Variants in PDE1A observed in about 807,000 individuals in gnomAD.
PDE1A encodes phosphodiesterase 1A.
In PDE1A, 35 loss-of-function variants were observed where a neutral mutation model predicts 61.7. That is an observed-to-expected ratio of 0.57 (90% CI 0.43 to 0.75). The LOEUF is 0.75. PDE1A is among the 30% of genes least tolerant of loss of function. The pLI is 0.00. For missense variants in PDE1A, 597 were observed against 630.6 expected (o/e 0.95, Z 0.57); for synonymous variants, 232 against 213.2 (o/e 1.09, Z -0.77).
the PDE1A span, among the ~76,000 whole-genome samples, chr2:182,642,666 T>C: frequency 1.3e-5 from 2 of 152,144 alleles, no homozygotes; most frequent in African/African-American, 4.8e-5. Flanking sequence ...GGGGAAGAGA[T>C]GCTGAAGTTT....
intron 1 of PDE1A, among the ~76,000 whole-genome samples, chr2:182,326,639 T>C (rs1329249205): frequency 3.9e-5 from 6 of 152,198 alleles, no homozygotes; most frequent in Non-Finnish European, 8.8e-5. Context: ...GATGGGGTGA[T>C]GGTTGTACAA....
At chr2:182,714,509 C>T in the PDE1A span, among the ~76,000 whole-genome samples, 1 of 152,106 alleles carries the variant, frequency 6.6e-6, no homozygotes, top group East Asian at 1.9e-4. Context: ...CATAAGAAGT[C>T]AGAAGTTAAA....
the PDE1A span, among the ~76,000 whole-genome samples, chr2:182,620,145 AAAAT>A: frequency 1.3e-5 from 2 of 151,972 alleles, no homozygotes; most frequent in East Asian, 3.9e-4. Flanking sequence ...AGAATCTCAT[AAAAT>A]AAAGAAGTTA....
At chr2:182,701,699 G>A in the PDE1A span, among the ~76,000 whole-genome samples, 1 of 151,914 alleles carries the variant, frequency 6.6e-6, no homozygotes, top group Non-Finnish European at 1.5e-5. Context: ...TTAAACCTGT[G>A]TCCAAATGAC....
chr2:182,609,273 G>C, the PDE1A span, among the ~76,000 whole-genome samples: 11 of 152,180 alleles, frequency 7.2e-5, no homozygotes, highest in African/African-American at 2.7e-4. Flanking sequence ...TCAGCTCTCT[G>C]CAAAACAGAC....
At chr2:182,456,596 G>A (rs966296292) in intron 2 of PDE1A, among the ~76,000 whole-genome samples, 4 of 152,112 alleles carry the variant, frequency 2.6e-5, no homozygotes, top group African/African-American at 7.2e-5. Flanking sequence ...ACCAATCACC[G>A]TGAGTACAAC....
At chr2:182,586,333 C>G in the PDE1A span, among the ~76,000 whole-genome samples, 1 of 152,170 alleles carries the variant, frequency 6.6e-6, no homozygotes, top group Non-Finnish European at 1.5e-5. Context: ...ACCTTGTGCA[C>G]TACTCTACTC....
chr2:182,379,476 T>A (rs1199241941), intron 1 of PDE1A, among the ~76,000 whole-genome samples: 1 of 152,140 alleles, frequency 6.6e-6, no homozygotes, highest in African/African-American at 2.4e-5. Flanking sequence ...AACTACAGAA[T>A]CCCAGCTGTT....
intron 2 of PDE1A, among the ~76,000 whole-genome samples, chr2:182,260,569 G>T (rs565234300): frequency 6.6e-6 from 1 of 152,164 alleles, no homozygotes; most frequent in African/African-American, 2.4e-5. Context: ...ATTTGTAAGA[G>T]GTAATCTTAG....
chr2:182,436,687 T>A (rs1052926436), intron 2 of PDE1A, among the ~76,000 whole-genome samples: 1 of 152,012 alleles, frequency 6.6e-6, no homozygotes. Context: ...CTATACTTTA[T>A]ATGCCCTGTT....
the PDE1A span, among the ~76,000 whole-genome samples, chr2:182,692,885 T>C: frequency 2.0e-5 from 3 of 151,944 alleles, no homozygotes; most frequent in African/African-American, 7.2e-5. Context: ...GATTATGTTT[T>C]ACTTAATCAG....
downstream of PDE1A, among the ~76,000 whole-genome samples, chr2:182,145,663 A>C (rs1324779050): frequency 2.0e-5 from 3 of 152,106 alleles, no homozygotes; most frequent in Non-Finnish European, 4.4e-5. Flanking sequence ...TGGGAGGCAG[A>C]GGTTGCAGTG....
At chr2:182,217,359 C>T in intron 7 of PDE1A, among the ~76,000 whole-genome samples, 2 of 64,310 alleles carry the variant, frequency 3.1e-5, no homozygotes, top group African/African-American at 5.7e-5. Flanking sequence ...TAGGCATGGG[C>T]AAGGACTTCA....
At chr2:182,607,812 C>T in the PDE1A span, among the ~76,000 whole-genome samples, 2 of 152,138 alleles carry the variant, frequency 1.3e-5, no homozygotes, top group South Asian at 2.1e-4. Context: ...ACCTTGGGAA[C>T]GGCACCTGTG....
chr2:182,472,530 G>A (rs1393116072), intron 2 of PDE1A, among the ~76,000 whole-genome samples: 1 of 151,850 alleles, frequency 6.6e-6, no homozygotes, highest in East Asian at 1.9e-4. Context: ...GCAGTGTGTG[G>A]AATGGTGGAC....
At chr2:182,710,639 G>A in the PDE1A span, among the ~76,000 whole-genome samples, 1 of 152,178 alleles carries the variant, frequency 6.6e-6, no homozygotes, top group Non-Finnish European at 1.5e-5. Context: ...TTCACTTAGT[G>A]TATGTAATGT....
rs114487901 is a variant in PDE1A at position 182,203,950 on chromosome 2, A to G, written c.902+1990T>C. On this transcript the variant is annotated intron_variant, in intron 8 of 13. Coordinates refer to ENST00000351439, the Ensembl canonical transcript of PDE1A. The stretch of plus-strand genomic sequence containing the variant: ...AATATGTACACTATTTGTTAAAACA[A>G]TTCTTTAAAAACATTCAATTAAAAT... Among the ~76,000 whole-genome samples the G allele has an allele frequency of 7.0e-3, 1,068 of 152,208 alleles. 8 individuals carry two copies. The highest frequency in any genetic ancestry group is 0.023 in the African/African-American group (952 of 41,568).
chr2:182,416,536 G>A (rs1010164929), intron 1 of PDE1A, among the ~76,000 whole-genome samples: 1 of 151,874 alleles, frequency 6.6e-6, no homozygotes, highest in Non-Finnish European at 1.5e-5. Context: ...CTTCAACTAG[G>A]CAACATTTTT....
the PDE1A span, among the ~76,000 whole-genome samples, chr2:182,577,992 G>GGAA: frequency 4.0e-5 from 6 of 148,180 alleles, no homozygotes; most frequent in East Asian, 2.0e-4. Context: ...AAGGAAGGAA[G>GGAA]GGACGGAGGG....
Sources: allele counts gnomAD v4.1 joint callset (sites outside exome capture counted in the v4.1 genomes callset), GRCh38; gene constraint gnomAD v4.1.1; transcripts MANE v1.5; gene names NCBI Gene and HGNC (gene_info 2026-07-23, HGNC 2026-07-21).